Variants in TLR6 observed in about 807,000 individuals in gnomAD.
TLR6 encodes toll like receptor 6, also known as toll-like receptor 6.
In TLR6, 9 loss-of-function variants were observed where a neutral mutation model predicts 16.1. That is an observed-to-expected ratio of 0.56 (90% CI 0.34 to 0.98). The LOEUF (loss-of-function observed/expected upper bound fraction) is 0.98, where lower values mean the gene tolerates loss of function less well. Ranked by LOEUF, TLR6 falls within the 50% of genes least tolerant of loss-of-function variation. TLR6 has a pLI of 0.02. For missense variants in TLR6, 786 were observed against 921.0 expected (o/e 0.85, Z 1.90); for synonymous variants, 340 against 338.6 (o/e 1.00, Z -0.04).
At chr4:38,865,536 C>T in the TLR6 span, among the ~76,000 whole-genome samples, 4 of 152,118 alleles carry the variant, frequency 2.6e-5, no homozygotes, top group African/African-American at 9.7e-5. Flanking sequence ...GAAGGGAAGG[C>T]AGGTTAGCAA....
chr4:38,848,804 T>A (rs1044895917), intron 1 of TLR6, among the ~76,000 whole-genome samples: 1 of 152,184 alleles, frequency 6.6e-6, no homozygotes, highest in Non-Finnish European at 1.5e-5. Context: ...TATGTCTGAT[T>A]GGTGTGCCTG....
At chr4:38,830,042 C>T (rs897611639) in intron 1 of TLR6, among the ~76,000 whole-genome samples, 1 of 152,218 alleles carries the variant, frequency 6.6e-6, no homozygotes, top group Admixed American at 6.5e-5. Context: ...GAAGTCCACT[C>T]ACGTGCCCAA....
chr4:38,845,478 C>T (rs954633801), intron 1 of TLR6, among the ~76,000 whole-genome samples: 5 of 152,332 alleles, frequency 3.3e-5, no homozygotes, highest in African/African-American at 1.2e-4. Context: ...ATCACAAGCA[C>T]CCTTAAAAGT....
chr4:38,850,115 G>C (rs1712705653), intron 1 of TLR6, among the ~76,000 whole-genome samples: 1 of 152,168 alleles, frequency 6.6e-6, no homozygotes, highest in African/African-American at 2.4e-5. Context: ...TGAACAACCT[G>C]CTCCTGAATG....
At chr4:38,842,630 G>A (rs928805944) in intron 1 of TLR6, among the ~76,000 whole-genome samples, 3 of 151,574 alleles carry the variant, frequency 2.0e-5, no homozygotes, top group Non-Finnish European at 4.4e-5. Context: ...GAGCCCCCAT[G>A]GGGGGCAAAG....
chr4:38,828,353 G>A (rs2109408842), exon 2 of TLR6: 1 of 1,613,140 alleles, frequency 6.2e-7, no homozygotes, highest in Non-Finnish European at 8.5e-7. Context: ...AACTAACGTG[G>A]AACATTTTTC....
the TLR6 span, among the ~76,000 whole-genome samples, chr4:38,862,227 T>C: frequency 1.3e-5 from 2 of 152,204 alleles, no homozygotes; most frequent in Non-Finnish European, 2.9e-5. Context: ...ACTCTTGCAA[T>C]GATCTTCTCT....
At chr4:38,859,285 G>A (rs1398101472), upstream of TLR6, among the ~76,000 whole-genome samples, 2 of 152,204 alleles carry the variant, frequency 1.3e-5, no homozygotes, top group Non-Finnish European at 1.5e-5. Flanking sequence ...GGGTATTGCA[G>A]TCACAATGCA....
At position 38,850,300 on chromosome 4, in the gene TLR6, T is replaced by G. The variant is rs182046336; in HGVS notation, c.-65+6461A>C. 2.8e-3 allele frequency among the ~76,000 whole-genome samples: 421 copies of G among 152,204 alleles called. 8 individuals carry two copies. The East Asian group carries it at 0.051, about 18-fold the overall frequency. ...CAGGAAAGATCTAAAATTGACACCCTAACATCACAATTAAAAGAACTAGAG... is the reference window on the plus strand; with the variant it reads ...CAGGAAAGATCTAAAATTGACACCCGAACATCACAATTAAAAGAACTAGAG... On this transcript the variant is annotated intron_variant, in intron 1 of 1. Coordinates refer to ENST00000436693, the Ensembl canonical transcript of TLR6.
upstream of TLR6, among the ~76,000 whole-genome samples, chr4:38,857,812 C>T (rs1189373839): frequency 6.6e-6 from 1 of 152,172 alleles, no homozygotes; most frequent in African/African-American, 2.4e-5. Context: ...CTCCTCAGGC[C>T]TGGGGAGGCT....
chr4:38,824,999 G>T (rs1477098342), exon 2 of TLR6: 4 of 152,186 alleles, frequency 2.6e-5, no homozygotes, highest in Admixed American at 2.6e-4. Context: ...GTTTCACCAT[G>T]TTGGCCAGGC....
At chr4:38,827,985 G>A (rs1252923499) in exon 2 of TLR6, 1 of 1,614,040 alleles carries the variant, frequency 6.2e-7, no homozygotes, top group African/African-American at 1.3e-5. Flanking sequence ...AATACAGAAA[G>A]GCTGCTAAAG....
chr4:38,832,993 C>G (rs1560265095), intron 1 of TLR6, among the ~76,000 whole-genome samples: 2 of 152,158 alleles, frequency 1.3e-5, no homozygotes, highest in African/African-American at 2.4e-5. Flanking sequence ...CCCTTTGCTG[C>G]TAGTGCCTGC....
At chr4:38,827,530 A>G (rs1727602381) in exon 2 of TLR6, 2 of 1,614,206 alleles carry the variant, frequency 1.2e-6, no homozygotes, top group Admixed American at 1.7e-5. Context: ...CATGTTCACT[A>G]TATGAAATAA....
chr4:38,864,160 AT>A, the TLR6 span, among the ~76,000 whole-genome samples: 1 of 152,262 alleles, frequency 6.6e-6, no homozygotes, highest in East Asian at 1.9e-4. Flanking sequence ...CCTACCCATC[AT>A]TCCCTAAACC....
At chr4:38,827,165 C>A in exon 2 of TLR6, 1 of 1,614,160 alleles carries the variant, frequency 6.2e-7, no homozygotes, top group Non-Finnish European at 8.5e-7. Context: ...AAAGAGCCCA[C>A]GTTTGCTTTT....
chr4:38,852,666 CA>C (rs1441819083), intron 1 of TLR6, among the ~76,000 whole-genome samples: 1 of 150,254 alleles, frequency 6.7e-6, no homozygotes, highest in African/African-American at 2.4e-5. Flanking sequence ...AAATGCAAAT[CA>C]AAACCACAAT....
chr4:38,836,578 C>A (rs1168491891), intron 1 of TLR6, among the ~76,000 whole-genome samples: 1 of 152,000 alleles, frequency 6.6e-6, no homozygotes, highest in Non-Finnish European at 1.5e-5. Flanking sequence ...TCAAACTATT[C>A]AAAAAAATTA....
exon 2 of TLR6, chr4:38,828,650 G>A (rs1487105293): frequency 6.2e-7 from 1 of 1,614,068 alleles, no homozygotes; most frequent in Admixed American, 1.7e-5. Flanking sequence ...CACAGGTTTG[G>A]GCCAAAGAAA....
Sources: allele counts gnomAD v4.1 joint callset (sites outside exome capture counted in the v4.1 genomes callset), GRCh38; gene constraint gnomAD v4.1.1; transcripts MANE v1.5; gene names NCBI Gene and HGNC (gene_info 2026-07-23, HGNC 2026-07-21).